The following NPSR1 variants were observed in gnomAD, a reference collection of about 807,000 sequenced individuals.
The protein encoded by NPSR1 is neuropeptide S receptor 1, also known as neuropeptide S receptor.
Under a neutral mutation model 46.9 loss-of-function variants are expected in NPSR1, and 48 were observed. The ratio of observed to expected loss-of-function variants is 1.02; its 90% confidence interval spans 0.81 to 1.30. NPSR1 has a LOEUF of 1.30. Among genes scored for constraint, NPSR1 ranks in the 50% most tolerant of loss-of-function variants. The pLI, the probability that NPSR1 is intolerant of heterozygous loss-of-function variation, is 0.00. For missense variants in NPSR1, 450 were observed against 449.5 expected (o/e 1.00, Z -0.01); for synonymous variants, 176 against 168.1 (o/e 1.05, Z -0.36).
intron 2 of NPSR1, chr7:34,728,819 G>A (rs940783749): frequency 2.6e-5 from 4 of 152,664 alleles, no homozygotes; most frequent in African/African-American, 9.7e-5. Flanking sequence ...CACATAAGCT[G>A]TAAATGGGAA....
Position 34,675,692 on chromosome 7 carries a change from G to T in NPSR1, c.148-8860G>T, listed in dbSNP as rs553826880. ...CCACATCCCAGCTATCAGCCCTGTG[G>T]CAGCATCACCATCATCAAAGGAACC... On this transcript the variant is annotated intron_variant, in intron 1 of 8. Coordinates refer to ENST00000360581, the MANE Select transcript of NPSR1 (RefSeq NM_207172.2). Among the ~76,000 whole-genome samples the T allele has an allele frequency of 3.2e-4, 49 of 152,284 alleles. No individual in the cohort carries two copies. In the South Asian group the frequency reaches 0.01, roughly 32 times the overall value.
At chr7:34,769,866 T>C (rs1347300109) in intron 2 of NPSR1, among the ~76,000 whole-genome samples, 2 of 152,214 alleles carry the variant, frequency 1.3e-5, no homozygotes, top group African/African-American at 4.8e-5. Context: ...GCAAGAGTAA[T>C]ACATGGAGGT....
intron 3 of NPSR1, among the ~76,000 whole-genome samples, chr7:34,786,912 A>G (rs149511740): frequency 2.0e-5 from 3 of 152,224 alleles, no homozygotes; most frequent in African/African-American, 7.2e-5. Flanking sequence ...GCACAGGCAC[A>G]GTAGATTAGT....
intron 3 of NPSR1, among the ~76,000 whole-genome samples, chr7:34,792,689 G>GTATATATATACGTATATATATATATTTA (rs1787968340): frequency 1.3e-5 from 1 of 74,338 alleles, no homozygotes; most frequent in Admixed American, 1.6e-4. Flanking sequence ...ATATATATAT[G>GTATATATATACGTATATATATATATTTA]TATATATATA....
intron 2 of NPSR1, among the ~76,000 whole-genome samples, chr7:34,743,262 C>T (rs143706549): frequency 1.2e-3 from 189 of 152,164 alleles, no homozygotes; most frequent in Middle Eastern, 3.4e-3. Context: ...CGTTGTCTTC[C>T]GGGTTTTTAC....
intron 2 of NPSR1, among the ~76,000 whole-genome samples, chr7:34,747,611 C>T (rs907629362): frequency 9.9e-5 from 15 of 151,990 alleles, no homozygotes; most frequent in Admixed American, 9.2e-4. Flanking sequence ...GCATCTTAGA[C>T]ACACACACAC....
At chr7:34,841,284 C>T (rs949738099) in intron 6 of NPSR1, among the ~76,000 whole-genome samples, 2 of 152,220 alleles carry the variant, frequency 1.3e-5, no homozygotes, top group Non-Finnish European at 2.9e-5. Flanking sequence ...GCTCCCACTT[C>T]AGGTGCTCAG....
At chr7:34,669,019 A>T (rs1396429191) in intron 1 of NPSR1, among the ~76,000 whole-genome samples, 1 of 152,174 alleles carries the variant, frequency 6.6e-6, no homozygotes, top group African/African-American at 2.4e-5. Flanking sequence ...CTCTGAGAAG[A>T]TAAGTTCACA....
intron 8 of NPSR1, among the ~76,000 whole-genome samples, chr7:34,858,014 C>A (rs1297172658): frequency 6.6e-6 from 1 of 151,694 alleles, no homozygotes; most frequent in Non-Finnish European, 1.5e-5. Context: ...TGCATATTGG[C>A]CTAACTTAAA....
chr7:34,832,324 G>A (rs1048697756), intron 5 of NPSR1, among the ~76,000 whole-genome samples: 9 of 152,098 alleles, frequency 5.9e-5, no homozygotes, highest in African/African-American at 1.4e-4. Context: ...TCTTGGGCCC[G>A]GGAGTTCAAG....
At chr7:34,738,863 A>G (rs1784806490) in intron 2 of NPSR1, among the ~76,000 whole-genome samples, 1 of 152,198 alleles carries the variant, frequency 6.6e-6, no homozygotes. Flanking sequence ...CCAAAAGGAA[A>G]CTTAATAGGA....
At chr7:34,759,124 T>C (rs1171780911) in intron 2 of NPSR1, among the ~76,000 whole-genome samples, 1 of 152,204 alleles carries the variant, frequency 6.6e-6, no homozygotes, top group Non-Finnish European at 1.5e-5. Context: ...AGTGATGTTA[T>C]TGTCAGATTT....
At chr7:34,728,359 G>A (rs935047946) in intron 2 of NPSR1, among the ~76,000 whole-genome samples, 1 of 152,208 alleles carries the variant, frequency 6.6e-6, no homozygotes, top group African/African-American at 2.4e-5. Context: ...GAGGCATGCT[G>A]GAGGCGGGCT....
chr7:34,683,016 C>T (rs1332001293), intron 1 of NPSR1, among the ~76,000 whole-genome samples: 1 of 152,170 alleles, frequency 6.6e-6, no homozygotes, highest in African/African-American at 2.4e-5. Context: ...CAATGCCTAT[C>T]CTCATTTCCA....
At chr7:34,862,288 CAGTTACT>C (rs1274330854) in intron 8 of NPSR1, among the ~76,000 whole-genome samples, 1 of 151,722 alleles carries the variant, frequency 6.6e-6, no homozygotes, top group Non-Finnish European at 1.5e-5. Flanking sequence ...GCCATCTCCT[CAGTTACT>C]AGCAGCATCC....
intron 2 of NPSR1, among the ~76,000 whole-genome samples, chr7:34,701,846 CT>C (rs1307751914): frequency 6.6e-6 from 1 of 152,144 alleles, no homozygotes; most frequent in African/African-American, 2.4e-5. Context: ...TTGAAAACAC[CT>C]TCCTAATTAA....
chr7:34,689,620 A>AAAAAAAAG (rs1793134038), intron 2 of NPSR1, among the ~76,000 whole-genome samples: 1 of 126,274 alleles, frequency 7.9e-6, no homozygotes, highest in Non-Finnish European at 1.6e-5. Context: ...AAAAAAAAAA[A>AAAAAAAAG]AAAAAAAAAA....
downstream of NPSR1, among the ~76,000 whole-genome samples, chr7:34,853,920 C>T (rs544675770): frequency 6.6e-6 from 1 of 151,198 alleles, no homozygotes; most frequent in African/African-American, 2.4e-5. Flanking sequence ...GAGCCGAGAT[C>T]GCACCATTGC....
intron 1 of NPSR1, among the ~76,000 whole-genome samples, chr7:34,663,125 T>C (rs1359276114): frequency 7.5e-6 from 1 of 133,332 alleles, no homozygotes; most frequent in Non-Finnish European, 1.6e-5. Flanking sequence ...GGATGGATGG[T>C]GAAGAGAGTC....
Sources: gnomAD v4.1 joint callset for allele counts (sites outside exome capture counted in the v4.1 genomes callset) on GRCh38, gnomAD v4.1.1 for gene constraint, MANE v1.5 for transcripts, NCBI Gene and HGNC (gene_info 2026-07-23, HGNC 2026-07-21) for gene names.